The following COL28A1 variants were observed in gnomAD, a reference collection of about 807,000 sequenced individuals.
The protein encoded by COL28A1 is collagen type XXVIII alpha 1 chain, also known as collagen alpha-1(XXVIII) chain.
Under a neutral mutation model 150.2 loss-of-function variants are expected in COL28A1, and 161 were observed. That is an observed-to-expected ratio of 1.07 (90% CI 0.94 to 1.22). The LOEUF is 1.22. Among genes scored for constraint, COL28A1 ranks in the 50% most tolerant of loss-of-function variants. The pLI is 0.00. For synonymous variants in COL28A1, 552 were observed against 469.7 expected, an observed-to-expected ratio of 1.18 and a Z score of -2.26; for missense variants, 1,617 against 1,388.3, an observed-to-expected ratio of 1.16 and a Z score of -2.62.
chr7:7,512,151 GAGATCTAAAAA>G (rs1781177890), intron 8 of COL28A1, among the ~76,000 whole-genome samples: 1 of 152,146 alleles, frequency 6.6e-6, no homozygotes, highest in South Asian at 2.1e-4. Context: ...ACTTATATGT[GAGATCTAAAAA>G]ATTTGAACTC....
intron 7 of COL28A1, 77 bp downstream of exon 7, chr7:7,517,718 AG>A (rs1311791344): frequency 3.3e-5 from 53 of 1,607,876 alleles, no homozygotes; most frequent in Middle Eastern, 1.7e-4. Flanking sequence ...ACTTGCACTA[AG>A]GGGGTCAAAA....
Position 7,513,372 on chromosome 7 carries a change from T to A in COL28A1, c.883-2237A>T, listed in dbSNP as rs150540738. Reference sequence around the variant, plus strand: ...TGTAGCTGAACAAGGCACACTATCATAGGCTGCAAGTCACTTTCCATTAAC... The same window carrying A: ...TGTAGCTGAACAAGGCACACTATCAAAGGCTGCAAGTCACTTTCCATTAAC... On this transcript the variant is annotated intron_variant, in intron 8 of 34. Transcript: ENST00000399429. 8.5e-4 allele frequency among the ~76,000 whole-genome samples: 130 copies of A among 152,348 alleles called. 3 individuals carry two copies. In the East Asian group the frequency reaches 0.021, roughly 25 times the overall value.
At position 7,358,612 on chromosome 7, in the gene COL28A1, G is replaced by C. The variant is rs752380337; in HGVS notation, c.*21C>G. ...ATTAGGGAGTTCTATGCTTTTGATA[G>C]AGACAGGCCAATTTACTTGCTCATC... On this transcript the variant is annotated 3_prime_UTR_variant, in exon 35 of 35. Coordinates refer to ENST00000399429, the MANE Select transcript of COL28A1 (RefSeq NM_001037763.3). The C allele has an allele frequency of 6.2e-7, 1 of 1,611,114 alleles. No homozygotes were observed. The highest frequency in any genetic ancestry group is 8.5e-7 in the Non-Finnish European group (1 of 1,177,982).
chr7:7,451,125 T>G (rs1786658151), intron 18 of COL28A1, among the ~76,000 whole-genome samples: 1 of 152,082 alleles, frequency 6.6e-6, no homozygotes, highest in Admixed American at 6.5e-5. Context: ...TTTTAAAAAG[T>G]CTAGAGTCAG....
At chr7:7,410,409 G>A (rs1783716056) in intron 27 of COL28A1, among the ~76,000 whole-genome samples, 1 of 152,026 alleles carries the variant, frequency 6.6e-6, no homozygotes, top group Non-Finnish European at 1.5e-5. Flanking sequence ...AAAACTTGAG[G>A]CCTCTCATGT....
intron 27 of COL28A1, among the ~76,000 whole-genome samples, chr7:7,396,824 C>T (rs575747230): frequency 6.6e-6 from 1 of 152,216 alleles, no homozygotes; most frequent in Non-Finnish European, 1.5e-5. Context: ...AAATAGTTGA[C>T]CTTTTATAGA....
chr7:7,400,197 C>T (rs1409355514), intron 27 of COL28A1, among the ~76,000 whole-genome samples: 1 of 152,116 alleles, frequency 6.6e-6, no homozygotes, highest in Non-Finnish European at 1.5e-5. Flanking sequence ...ATCCCTGGAA[C>T]CTATGAACCC....
At chr7:7,525,790 C>T (rs554356012) in intron 3 of COL28A1, among the ~76,000 whole-genome samples, 1 of 152,280 alleles carries the variant, frequency 6.6e-6, no homozygotes, top group South Asian at 2.1e-4. Context: ...CATCCCGTTT[C>T]AACAATTAAC....
At chr7:7,477,764 C>T (rs149322257) in intron 13 of COL28A1, among the ~76,000 whole-genome samples, 123 of 152,238 alleles carry the variant, frequency 8.1e-4, no homozygotes, top group Middle Eastern at 3.4e-3. Flanking sequence ...AAAGCTTCCA[C>T]GGTATGGAAA....
chr7:7,387,261 A>T lies in COL28A1; in HGVS notation c.2137-5649T>A, dbSNP rs112902378. Among the ~76,000 whole-genome samples, 524 of 152,318 alleles carry T rather than the reference A, an allele frequency of 3.4e-3. 2 individuals are homozygous for T. The highest frequency in any genetic ancestry group is 6.3e-3 in the Non-Finnish European group (429 of 68,024). On this transcript the variant is annotated intron_variant, in intron 27 of 34. Transcript: ENST00000399429. Reference sequence around the variant, plus strand: ...TGTGGAGGGTCAGGAAACCACGCCCAGACCATTAGATGCCTCCTCGTACGG... The same window carrying T: ...TGTGGAGGGTCAGGAAACCACGCCCTGACCATTAGATGCCTCCTCGTACGG...
chr7:7,407,844 A>G (rs781599533), intron 27 of COL28A1, among the ~76,000 whole-genome samples: 4 of 152,166 alleles, frequency 2.6e-5, no homozygotes, highest in Non-Finnish European at 5.9e-5. Context: ...TAAAACAACA[A>G]TATCAGGGTA....
At chr7:7,507,247 C>T in intron 9 of COL28A1, 86 bp from the exon 10 acceptor site, 2 of 719,806 alleles carry the variant, frequency 2.8e-6, no homozygotes, top group Non-Finnish European at 4.8e-6. Context: ...GAAATGTGTT[C>T]TCGGTAATTG....
chr7:7,384,736 T>C (rs955716753), intron 27 of COL28A1, among the ~76,000 whole-genome samples: 9 of 152,220 alleles, frequency 5.9e-5, no homozygotes, highest in African/African-American at 1.9e-4. Flanking sequence ...ACCAGGAAAC[T>C]TGATATCATT....
chr7:7,489,592 T>A (rs141973689), intron 12 of COL28A1, 135 bp from the exon 13 acceptor site: 1 of 638,612 alleles, frequency 1.6e-6, no homozygotes, highest in African/African-American at 1.8e-5. Context: ...AGGTAAAAAA[T>A]TCTAGAGGAA....
At chr7:7,348,128 G>A in the COL28A1 span, among the ~76,000 whole-genome samples, 2 of 152,034 alleles carry the variant, frequency 1.3e-5, no homozygotes, top group East Asian at 1.9e-4. Context: ...GAAAGGGGGA[G>A]GATGATAACA....
intron 25 of COL28A1, among the ~76,000 whole-genome samples, chr7:7,429,313 T>A (rs1263533598): frequency 6.6e-6 from 1 of 152,188 alleles, no homozygotes; most frequent in African/African-American, 2.4e-5. Context: ...CAATTTTTGG[T>A]ATTTTCAGAA....
chr7:7,539,102 C>G (rs893828976), upstream of COL28A1, among the ~76,000 whole-genome samples: 1 of 152,142 alleles, frequency 6.6e-6, no homozygotes, highest in South Asian at 2.1e-4. Context: ...GGCATTCTCT[C>G]AACTCCTTCA....
At chr7:7,353,877 T>C (rs1296631170), downstream of COL28A1, among the ~76,000 whole-genome samples, 1 of 152,146 alleles carries the variant, frequency 6.6e-6, no homozygotes, top group East Asian at 1.9e-4. Flanking sequence ...TAGTGACTGA[T>C]ACCTATGTTT....
At chr7:7,443,721 T>C (rs755369960) in intron 19 of COL28A1, 68 bp from the exon 20 acceptor site, 1 of 1,591,022 alleles carries the variant, frequency 6.3e-7, no homozygotes, top group African/African-American at 1.3e-5. Flanking sequence ...CATCCCACCT[T>C]GTCTCCTTTT....
Sources: gnomAD v4.1 joint callset for allele counts (sites outside exome capture counted in the v4.1 genomes callset) on GRCh38, gnomAD v4.1.1 for gene constraint, MANE v1.5 for transcripts, NCBI Gene and HGNC (gene_info 2026-07-23, HGNC 2026-07-21) for gene names.